Variants in GRM4 observed in about 807,000 individuals in gnomAD.
The protein encoded by GRM4 is metabotropic glutamate receptor 4.
GRM4 carries 28 observed loss-of-function variants against 81.7 expected under a neutral mutation model. That is an observed-to-expected ratio of 0.34 (90% CI 0.25 to 0.47). GRM4 has a LOEUF of 0.47. Among genes scored for constraint, GRM4 ranks in the 20% least tolerant of loss-of-function variants. The probability of loss-of-function intolerance (pLI) is 1.00; values close to 1 mark genes in which losing one functional copy is unlikely to be tolerated. For synonymous variants in GRM4, 488 were observed against 528.8 expected (o/e 0.92, Z 1.06); for missense variants, 948 against 1,290.0 (o/e 0.73, Z 4.06).
Position 34,096,914 on chromosome 6 carries a change from G to A in GRM4, c.520-4815C>T, listed in dbSNP as rs112091104. On this transcript the variant is annotated intron_variant, in intron 2 of 10. Transcript: ENST00000538487. Reference sequence around the variant, plus strand: ...ATGAAGATGGATTCCAAGTACATCTGAGTGTGTGTGTGTGTGTGTCTGTGT... The same window carrying A: ...ATGAAGATGGATTCCAAGTACATCTAAGTGTGTGTGTGTGTGTGTCTGTGT... 4.7e-3 allele frequency among the ~76,000 whole-genome samples: 452 copies of A among 96,402 alleles called. 2 individuals carry two copies. The highest frequency in any genetic ancestry group is 0.012 in the African/African-American group (433 of 37,154). The allele number at this position is 96,402 out of a possible 152,430, so 63.2% of individuals were successfully genotyped here.
Position 34,019,358 on chromosome 6 carries a change from T to G in GRM4, c.*3463A>C, listed in dbSNP as rs1763791369. 1 of 152,280 alleles carries G rather than the reference T, an allele frequency of 6.6e-6. No individual in the cohort carries two copies. Among genetic ancestry groups the G allele is most frequent in the African/African-American group, 2.4e-5 (1 of 41,444 alleles). The allele number at this position is 152,280 out of a possible 1,614,324, so 9.4% of individuals were successfully genotyped here. ...TGCTCAGGCTGGCAGCAGCCCAGCCTTGGGCTTGAGCCCCAGGCAAGCTCG... is the reference window on the plus strand; with the variant it reads ...TGCTCAGGCTGGCAGCAGCCCAGCCGTGGGCTTGAGCCCCAGGCAAGCTCG... On this transcript the variant is annotated 3_prime_UTR_variant, in exon 11 of 11. Coordinates refer to ENST00000538487, the MANE Select transcript of GRM4 (RefSeq NM_000841.4).
At chr6:34,087,648 A>G (rs2451354) in intron 3 of GRM4, among the ~76,000 whole-genome samples, 131,516 of 149,602 alleles carry the variant, frequency 0.88, 57,932 homozygotes, top group African/African-American at 0.92. Context: ...AGGGAGGAAG[A>G]AGTCCTGGCT....
chr6:34,059,428 C>T lies in GRM4; in HGVS notation c.873-300G>A. Reference sequence around the variant, plus strand: ...CCTGCAAAGACCACACCTCTCCCCTCCAGATCCACACCCGCCCCACGTCTG... The same window carrying T: ...CCTGCAAAGACCACACCTCTCCCCTTCAGATCCACACCCGCCCCACGTCTG... On this transcript the variant is annotated intron_variant, in intron 4 of 10. Coordinates refer to ENST00000538487, the MANE Select transcript of GRM4 (RefSeq NM_000841.4). The surrounding 1 kb of genome is among the most constrained non-coding windows in gnomAD (Gnocchi z 5.7). The T allele has an allele frequency of 2.4e-6, 1 of 424,770 alleles. No individual in the cohort carries two copies. Among genetic ancestry groups the T allele is most frequent in the South Asian group, 2.7e-5 (1 of 37,406 alleles). The allele number at this position is 424,770 out of a possible 1,614,324, so 26.3% of individuals were successfully genotyped here.
Position 34,048,957 on chromosome 6 carries a change from A to C in GRM4, c.1168+7587T>G, listed in dbSNP as rs954829540. Among the ~76,000 whole-genome samples, 4 of 152,182 alleles carry C rather than the reference A, an allele frequency of 2.6e-5. No individual in the cohort carries two copies. Among genetic ancestry groups the C allele is most frequent in the African/African-American group, 7.2e-5 (3 of 41,428 alleles). ...TACCCAGTCTAAGGTAGTTCTTTAT[A>C]GCAGCGTGAGAACAACTAACACACT... On this transcript the variant is annotated intron_variant, in intron 6 of 10. Coordinates refer to ENST00000538487, the MANE Select transcript of GRM4 (RefSeq NM_000841.4). This position sits in a 1 kb window ranked among gnomAD's most constrained non-coding sequence, Gnocchi z 4.0.
At chr6:34,120,184 TAAA>T (rs1486389783) in intron 2 of GRM4, among the ~76,000 whole-genome samples, 3 of 152,096 alleles carry the variant, frequency 2.0e-5, no homozygotes, top group Non-Finnish European at 4.4e-5. Flanking sequence ...GGCCACTGAA[TAAA>T]GGCTCATTCA....
intron 2 of GRM4, among the ~76,000 whole-genome samples, chr6:34,093,382 A>C (rs918515528): frequency 6.6e-6 from 1 of 152,120 alleles, no homozygotes; most frequent in Non-Finnish European, 1.5e-5. Flanking sequence ...CCGACATTCA[A>C]CTCTATTCAC....
rs1050179620 is a variant in GRM4 at position 34,092,264 on chromosome 6, C to A, written c.520-165G>T. ...CCTCCTCCTCCAGAAAGTCTCCCAA[C>A]CGGCCTCCCTGGGGTCCCCAAAGAC... On this transcript the variant is annotated intron_variant, in intron 2 of 10. Coordinates refer to ENST00000538487, the MANE Select transcript of GRM4 (RefSeq NM_000841.4). This position sits in a 1 kb window ranked among gnomAD's most constrained non-coding sequence, Gnocchi z 6.8. Among the ~76,000 whole-genome samples, 6 of 152,120 alleles carry A rather than the reference C, an allele frequency of 3.9e-5. No homozygotes were observed. Among genetic ancestry groups the A allele is most frequent in the Non-Finnish European group, 7.4e-5 (5 of 68,018 alleles).
intron 1 of GRM4, among the ~76,000 whole-genome samples, chr6:34,154,291 CCCCAG>C (rs980499313): frequency 2.0e-5 from 3 of 152,200 alleles, no homozygotes; most frequent in African/African-American, 4.8e-5. Context: ...TGCTCCCCGA[CCCCAG>C]CCCAGCCCAG....
intron 1 of GRM4, among the ~76,000 whole-genome samples, chr6:34,154,061 T>C (rs904320272): frequency 6.6e-5 from 10 of 152,202 alleles, no homozygotes; most frequent in African/African-American, 2.2e-4. Flanking sequence ...CTCTCCCAAG[T>C]GTCACGCTCT....
chr6:34,154,590 T>TACACAC (rs57603011), intron 1 of GRM4, among the ~76,000 whole-genome samples: 10,942 of 144,980 alleles, frequency 0.075, 708 homozygotes, highest in African/African-American at 0.17. Flanking sequence ...TGGTCCTGAC[T>TACACAC]ACACACACAC....
intron 3 of GRM4, among the ~76,000 whole-genome samples, chr6:34,087,826 A>ACACACACACACC: frequency 6.7e-6 from 1 of 150,264 alleles, no homozygotes; most frequent in Non-Finnish European, 1.5e-5. Context: ...ACACACACAC[A>ACACACACACACC]CACACACACA....
chr6:34,091,582 T>A, intron 3 of GRM4: 5 of 374,364 alleles, frequency 1.3e-5, no homozygotes, highest in African/African-American at 2.1e-5. Context: ...ACCCCATCCC[T>A]TCCTCTGCTG....
intron 6 of GRM4, among the ~76,000 whole-genome samples, chr6:34,044,071 T>G (rs1765142055): frequency 1.4e-5 from 2 of 146,718 alleles, no homozygotes. Flanking sequence ...TACACATATA[T>G]ACACAGACAC....
chr6:34,117,992 A>T (rs1262899590), intron 2 of GRM4, among the ~76,000 whole-genome samples: 1 of 152,216 alleles, frequency 6.6e-6, no homozygotes, highest in African/African-American at 2.4e-5. Flanking sequence ...CTAATCAAGG[A>T]TATTGGAACA....
chr6:34,147,045 G>A (rs552034880), upstream of GRM4, among the ~76,000 whole-genome samples: 9 of 152,322 alleles, frequency 5.9e-5, no homozygotes, highest in African/African-American at 1.9e-4. Flanking sequence ...ATGCCTGAAC[G>A]GTAGCGTAAG....
chr6:34,044,787 C>G (rs1327085114), intron 6 of GRM4, among the ~76,000 whole-genome samples: 1 of 148,566 alleles, frequency 6.7e-6, no homozygotes, highest in African/African-American at 2.5e-5. Flanking sequence ...CATACACACA[C>G]AGACATACAT....
chr6:34,150,164 G>T (rs868652415), upstream of GRM4, among the ~76,000 whole-genome samples: 12 of 151,394 alleles, frequency 7.9e-5, no homozygotes, highest in South Asian at 2.1e-4. Context: ...CAGCGCATTT[G>T]TACCTGTACC....
In GRM4 at chr6:34,133,254, G is replaced by A. The variant is rs1335584525; in HGVS notation, c.243C>T (p.Ala81=). 1 of 1,614,078 alleles carries A rather than the reference G, an allele frequency of 6.2e-7. No homozygotes were observed. Among genetic ancestry groups the A allele is most frequent in the East Asian group, 2.2e-5 (1 of 44,886 alleles). ...KKEKGIHRLE[A]MLFALDRINN... ...TGATGCGATCCAGGGCGAACAGCAT[G>A]GCCTCCAGCCGGTGGATGCCCTTTT... is the stretch of plus-strand genomic sequence containing the variant. Residue 81 remains alanine, a synonymous_variant, in exon 2 of 11, where the codon GCC becomes GCT. Coordinates refer to ENST00000538487, the MANE Select transcript of GRM4 (RefSeq NM_000841.4). This position sits in a 1 kb window ranked among gnomAD's most constrained non-coding sequence, Gnocchi z 6.5.
At chr6:34,093,636 G>A (rs946481244) in intron 2 of GRM4, among the ~76,000 whole-genome samples, 1 of 152,178 alleles carries the variant, frequency 6.6e-6, no homozygotes, top group Non-Finnish European at 1.5e-5. Context: ...GCAGGATGGG[G>A]AGAGTCAATG....
Sources: allele counts gnomAD v4.1 joint callset (sites outside exome capture counted in the v4.1 genomes callset), GRCh38; gene constraint gnomAD v4.1.1; non-coding constraint Gnocchi (gnomAD v3.1); transcripts MANE v1.5; gene names NCBI Gene and HGNC (gene_info 2026-07-23, HGNC 2026-07-21).